LRP1B: variants seen among roughly 807,000 people sequenced by gnomAD.
LRP1B encodes low-density lipoprotein receptor-related protein 1B.
In LRP1B, 217 loss-of-function variants were observed where a neutral mutation model predicts 556.6. The observed-to-expected ratio is 0.39, with a 90% CI of 0.35 to 0.44. LRP1B has a LOEUF of 0.44. LRP1B is among the 20% of genes least tolerant of loss of function. LRP1B has a pLI of 1.00. For synonymous variants in LRP1B, 2,047 were observed against 1,865.8 expected, an observed-to-expected ratio of 1.10 and a Z score of -2.50; for missense variants, 5,053 against 5,620.8, an observed-to-expected ratio of 0.90 and a Z score of 3.23.
intron 86 of LRP1B, among the ~76,000 whole-genome samples, chr2:140,261,964 G>A (rs931366843): frequency 1.3e-5 from 2 of 151,908 alleles, no homozygotes; most frequent in East Asian, 1.9e-4. Flanking sequence ...TTAATTATGA[G>A]AGGAAATACT....
intron 1 of LRP1B, among the ~76,000 whole-genome samples, chr2:142,118,696 T>C (rs1707356748): frequency 6.6e-6 from 1 of 152,140 alleles, no homozygotes; most frequent in Non-Finnish European, 1.5e-5. Flanking sequence ...TATTCACATA[T>C]ATACAAGTAA....
chr2:141,768,025 T>C (rs1157747070), intron 2 of LRP1B, among the ~76,000 whole-genome samples: 1 of 152,174 alleles, frequency 6.6e-6, no homozygotes, highest in African/African-American at 2.4e-5. Flanking sequence ...AACTTTCTGA[T>C]CTTCTTGAGA....
chr2:142,082,419 T>C (rs983446081), intron 1 of LRP1B, among the ~76,000 whole-genome samples: 2 of 152,166 alleles, frequency 1.3e-5, no homozygotes, highest in Admixed American at 1.3e-4. Flanking sequence ...AGAATTCTGA[T>C]TTTTAAGAAG....
intron 83 of LRP1B, among the ~76,000 whole-genome samples, chr2:140,306,166 A>T (rs1295320904): frequency 6.7e-6 from 1 of 149,954 alleles, no homozygotes; most frequent in Non-Finnish European, 1.5e-5. Context: ...TGCTGGCCTC[A>T]TAAAATGAGT....
chr2:140,332,863 G>A (rs576727220), intron 79 of LRP1B, among the ~76,000 whole-genome samples: 1 of 152,106 alleles, frequency 6.6e-6, no homozygotes, highest in Admixed American at 6.6e-5. Flanking sequence ...TGCTGCCAGT[G>A]TCATTCTTTA....
At chr2:141,430,407 G>T (rs1031631338) in intron 3 of LRP1B, among the ~76,000 whole-genome samples, 7 of 152,074 alleles carry the variant, frequency 4.6e-5, no homozygotes, top group African/African-American at 1.4e-4. Flanking sequence ...AAATGTAATA[G>T]ATCTAATTTT....
intron 3 of LRP1B, among the ~76,000 whole-genome samples, chr2:141,473,638 T>C (rs1682563542): frequency 6.6e-6 from 1 of 152,160 alleles, no homozygotes; most frequent in African/African-American, 2.4e-5. Flanking sequence ...GTAAGAGCTT[T>C]ACTAATCAAA....
chr2:140,462,942 G>A (rs1687382462), intron 60 of LRP1B, among the ~76,000 whole-genome samples: 1 of 152,052 alleles, frequency 6.6e-6, no homozygotes, highest in Non-Finnish European at 1.5e-5. Flanking sequence ...ATATTTTTCT[G>A]GAAGAATAAG....
intron 3 of LRP1B, among the ~76,000 whole-genome samples, chr2:141,314,075 G>A (rs932058863): frequency 7.2e-5 from 11 of 152,002 alleles, no homozygotes; most frequent in African/African-American, 2.7e-4. Context: ...ACATTTTTAT[G>A]TTTTTATCTT....
intron 1 of LRP1B, among the ~76,000 whole-genome samples, chr2:142,040,309 G>A (rs571660693): frequency 6.6e-6 from 1 of 151,266 alleles, no homozygotes; most frequent in South Asian, 2.1e-4. Context: ...GTCTTCTATA[G>A]CATCTGTTTG....
intron 32 of LRP1B, among the ~76,000 whole-genome samples, chr2:140,778,990 AAT>A (rs1689594377): frequency 6.6e-6 from 1 of 151,824 alleles, no homozygotes; most frequent in South Asian, 2.1e-4. Flanking sequence ...ATTTGTAATA[AAT>A]ATTTTTAAAA....
At chr2:141,123,839 A>C (rs984110316) in intron 7 of LRP1B, among the ~76,000 whole-genome samples, 1 of 152,128 alleles carries the variant, frequency 6.6e-6, no homozygotes, top group African/African-American at 2.4e-5. Flanking sequence ...GCACTTTGCT[A>C]TTTGAAATCA....
rs56034357 is a variant in LRP1B, at chr2:142,129,584, T to TTCTC, written c.82+1060_82+1063dup. Among the ~76,000 whole-genome samples the TTCTC allele has an allele frequency of 3.7e-3, 498 of 134,770 alleles. 5 individuals carry two copies. The highest frequency in any genetic ancestry group is 0.016 in the East Asian group (68 of 4,296). 88.4% of individuals were successfully genotyped at this position (134,770 alleles called of 152,430 possible). A position where few individuals can be genotyped will look rare whatever the true frequency, so the allele number is the denominator to read the frequency against. Reference sequence around the variant, plus strand: ...TTGGGATCTGGGTTTCTTTCTCTCTTTCTCTCTCTCTCTCTCTCTCTCTCT... The same window carrying TTCTC: ...TTGGGATCTGGGTTTCTTTCTCTCTTTCTCTCTCTCTCTCTCTCTCTCTCTCTCT... On this transcript the variant is annotated intron_variant, in intron 1 of 90. Transcript: ENST00000389484.
chr2:142,118,882 T>C (rs1328556247), intron 1 of LRP1B, among the ~76,000 whole-genome samples: 1 of 152,112 alleles, frequency 6.6e-6, no homozygotes, highest in African/African-American at 2.4e-5. Flanking sequence ...TTAATAAAAT[T>C]TTGGTATGTG....
intron 3 of LRP1B, among the ~76,000 whole-genome samples, chr2:141,319,025 A>G (rs796355136): frequency 4.6e-5 from 7 of 152,174 alleles, no homozygotes; most frequent in African/African-American, 1.7e-4. Context: ...TTGTTACCAC[A>G]ACAAGTCTTC....
chr2:141,522,529 G>A (rs184589555), intron 2 of LRP1B, among the ~76,000 whole-genome samples: 1 of 152,076 alleles, frequency 6.6e-6, no homozygotes, highest in African/African-American at 2.4e-5. Context: ...CTATATCTTG[G>A]CCTGGAAGTA....
intron 1 of LRP1B, among the ~76,000 whole-genome samples, chr2:141,894,474 T>C (rs1699380031): frequency 6.6e-6 from 1 of 152,044 alleles, no homozygotes; most frequent in African/African-American, 2.4e-5. Flanking sequence ...TTTATTTAAT[T>C]GTCACAAACC....
intron 77 of LRP1B, among the ~76,000 whole-genome samples, chr2:140,346,924 A>G (rs1408841348): frequency 2.0e-5 from 3 of 151,970 alleles, no homozygotes; most frequent in Non-Finnish European, 2.9e-5. Flanking sequence ...TGAACATTCT[A>G]TTTACAAAAA....
intron 43 of LRP1B, among the ~76,000 whole-genome samples, chr2:140,594,997 C>T (rs532078383): frequency 1.3e-4 from 19 of 150,142 alleles, no homozygotes; most frequent in African/African-American, 4.6e-4. Context: ...TCACACATTT[C>T]TTCAGTGCCT....
Sources: allele counts gnomAD v4.1 joint callset (sites outside exome capture counted in the v4.1 genomes callset), GRCh38; gene constraint gnomAD v4.1.1; transcripts MANE v1.5; gene names NCBI Gene and HGNC (gene_info 2026-07-23, HGNC 2026-07-21).